CMTM4: variants seen among roughly 807,000 people sequenced by gnomAD.
CMTM4 encodes the protein CKLF-like MARVEL transmembrane domain-containing protein 4.
Under a neutral mutation model 19.0 loss-of-function variants are expected in CMTM4, and 8 were observed. The ratio of observed to expected loss-of-function variants is 0.42; its 90% CI spans 0.25 to 0.76. The LOEUF (loss-of-function observed/expected upper bound fraction) is 0.76. Ranked by LOEUF, CMTM4 falls within the 30% of genes least tolerant of loss-of-function variation. The probability of loss-of-function intolerance (pLI) is 0.27; values close to 1 mark genes in which losing one functional copy is unlikely to be tolerated. For synonymous variants in CMTM4, 106 were observed against 121.1 expected, an observed-to-expected ratio of 0.88 and a Z score of 0.82; for missense variants, 228 against 290.2, an observed-to-expected ratio of 0.79 and a Z score of 1.56.
intron 1 of CMTM4, among the ~76,000 whole-genome samples, chr16:66,637,094 T>TA (rs1273446833): frequency 6.6e-6 from 1 of 152,194 alleles, no homozygotes; most frequent in Non-Finnish European, 1.5e-5. Flanking sequence ...CTGACGGCTT[T>TA]AAAACAATGA....
Position 66,633,116 on chromosome 16 carries a change from T to TATATATATATAA in CMTM4, c.363+3288_363+3289insTTATATATATAT, listed in dbSNP as rs1567408472. 1.3e-3 allele frequency among the ~76,000 whole-genome samples: 75 copies of TATATATATATAA among 57,044 alleles called. 5 individuals carry two copies. The highest frequency in any genetic ancestry group is 3.8e-3 in the African/African-American group (72 of 19,194). The allele number at this position is 57,044 out of a possible 152,430, so 37.4% of individuals were successfully genotyped here. ...ATATATATATAAATATATATATATA[T>TATATATATATAA]AAATATATATATATAAATATATATA... On this transcript the variant is annotated intron_variant, in intron 2 of 3. Coordinates refer to ENST00000394106, the MANE Select transcript of CMTM4 (RefSeq NM_181521.3).
Position 66,696,542 on chromosome 16 carries a change from G to T in CMTM4, c.-17C>A. The T allele has an allele frequency of 2.5e-6, 3 of 1,178,854 alleles. No individual in the cohort carries two copies. Among genetic ancestry groups the T allele is most frequent in the Non-Finnish European group, 3.1e-6 (3 of 954,342 alleles). The allele number at this position is 1,178,854 out of a possible 1,614,324, so 73.0% of individuals were successfully genotyped here. ...GCTCCGCATGCTGCCGCCCGGCCCG[G>T]GCCGCCTCGCGCGGCTGGCTCCCGG... On this transcript the variant is annotated 5_prime_UTR_variant, in exon 1 of 4. Coordinates refer to ENST00000394106, the MANE Select transcript of CMTM4 (RefSeq NM_181521.3). This position sits in a 1 kb window ranked among gnomAD's most constrained non-coding sequence, Gnocchi z 4.3.
chr16:66,631,934 A>G (rs1310340015), intron 2 of CMTM4, among the ~76,000 whole-genome samples: 1 of 152,056 alleles, frequency 6.6e-6, no homozygotes, highest in African/African-American at 2.4e-5. Flanking sequence ...CAATAAAAAA[A>G]TAAAATAAAA....
At chr16:66,646,839 T>C (rs2016211225) in intron 1 of CMTM4, among the ~76,000 whole-genome samples, 1 of 151,936 alleles carries the variant, frequency 6.6e-6, no homozygotes, top group South Asian at 2.1e-4. Flanking sequence ...CCTGAGTAGC[T>C]GGGATTATAG....
Position 66,617,810 on chromosome 16 carries a change from C to T in CMTM4, c.*4248G>A, listed in dbSNP as rs1285422708. 24 of 993,884 alleles carry T rather than the reference C, an allele frequency of 2.4e-5. No homozygotes were observed. In the South Asian group the frequency reaches 4.5e-4, roughly 19 times the overall value. 61.6% of individuals were successfully genotyped at this position (993,884 alleles called of 1,614,324 possible). On this transcript the variant is annotated 3_prime_UTR_variant, in exon 4 of 4. Coordinates refer to ENST00000394106, the MANE Select transcript of CMTM4 (RefSeq NM_181521.3). Reference sequence around the variant, plus strand: ...CCTGCTGGACCCACATGTTCCTGAGCCAGATGCCAGGAGCTCACCCACAGG... The same window carrying T: ...CCTGCTGGACCCACATGTTCCTGAGTCAGATGCCAGGAGCTCACCCACAGG...
Position 66,622,322 on chromosome 16 carries a change from A to C in CMTM4, c.463-100T>G, listed in dbSNP as rs912268918. ...ACATGCAGCCCCTTCCTGCTCTGCCAGCTGATCATTACAACCCTGTGCCTT... is the reference window on the plus strand; with the variant it reads ...ACATGCAGCCCCTTCCTGCTCTGCCCGCTGATCATTACAACCCTGTGCCTT... On this transcript the variant is annotated intron_variant, in intron 3 of 3. Coordinates refer to ENST00000394106, the MANE Select transcript of CMTM4 (RefSeq NM_181521.3). This position sits in a 1 kb window ranked among gnomAD's most constrained non-coding sequence, Gnocchi z 4.0. 2 of 1,320,666 alleles carry C rather than the reference A, an allele frequency of 1.5e-6. No individual in the cohort carries two copies. The highest frequency in any genetic ancestry group is 4.1e-5 in the Admixed American group (2 of 48,982). 81.8% of individuals were successfully genotyped at this position (1,320,666 alleles called of 1,614,324 possible).
chr16:66,632,751 G>A (rs1285635195), intron 2 of CMTM4, among the ~76,000 whole-genome samples: 1 of 152,080 alleles, frequency 6.6e-6, no homozygotes, highest in Non-Finnish European at 1.5e-5. Flanking sequence ...GTAAACAGGG[G>A]TGGAACATGT....
chr16:66,683,176 CATATGTATATATATAT>C (rs1188482293), intron 1 of CMTM4, among the ~76,000 whole-genome samples: 3 of 106,016 alleles, frequency 2.8e-5, no homozygotes, highest in East Asian at 3.0e-4. Flanking sequence ...TATATATATA[CATATGTATATATATAT>C]ACATATATAT....
chr16:66,664,666 T>C (rs1192985542), intron 1 of CMTM4, among the ~76,000 whole-genome samples: 1 of 151,400 alleles, frequency 6.6e-6, no homozygotes, highest in Non-Finnish European at 1.5e-5. Flanking sequence ...AAAAAAACTA[T>C]ATAAAGAGAT....
At chr16:66,642,867 C>T (rs2016123143) in intron 1 of CMTM4, among the ~76,000 whole-genome samples, 1 of 152,174 alleles carries the variant, frequency 6.6e-6, no homozygotes, top group Non-Finnish European at 1.5e-5. Context: ...AATAGTCATC[C>T]TTCCACTCTA....
At chr16:66,678,362 T>C (rs1002308367) in intron 1 of CMTM4, among the ~76,000 whole-genome samples, 1 of 152,172 alleles carries the variant, frequency 6.6e-6, no homozygotes, top group Non-Finnish European at 1.5e-5. Context: ...GGTTCCAACA[T>C]GATGAGCTGG....
intron 1 of CMTM4, among the ~76,000 whole-genome samples, chr16:66,670,715 G>A (rs746301286): frequency 2.0e-5 from 3 of 151,872 alleles, no homozygotes; most frequent in Non-Finnish European, 2.9e-5. Flanking sequence ...CAGGAAAATC[G>A]CCTGAACCCA....
chr16:66,640,403 G>A (rs1567412036), intron 1 of CMTM4, among the ~76,000 whole-genome samples: 1 of 152,240 alleles, frequency 6.6e-6, no homozygotes, highest in Non-Finnish European at 1.5e-5. Context: ...GCTGTCTGGA[G>A]AAAGAGCACT....
At chr16:66,687,956 G>A (rs1026909634) in intron 1 of CMTM4, among the ~76,000 whole-genome samples, 2 of 152,052 alleles carry the variant, frequency 1.3e-5, no homozygotes, top group South Asian at 4.1e-4. Context: ...CAGAGTGCTG[G>A]GATTACAGGT....
chr16:66,627,849 G>A (rs946529343), intron 2 of CMTM4, among the ~76,000 whole-genome samples: 2 of 152,106 alleles, frequency 1.3e-5, no homozygotes, highest in Admixed American at 6.5e-5. Flanking sequence ...CCAGGAGACC[G>A]GCACTCAGCA....
In CMTM4 at chr16:66,619,910, C is replaced by T; in HGVS notation, c.*2148G>A. 1 of 985,448 alleles carries T rather than the reference C, an allele frequency of 1.0e-6. No homozygotes were observed. The highest frequency in any genetic ancestry group is 1.2e-6 in the Non-Finnish European group (1 of 829,934). The allele number at this position is 985,448 out of a possible 1,614,324, so 61.0% of individuals were successfully genotyped here. A position where few individuals can be genotyped will look rare whatever the true frequency, so the allele number is the denominator to read the frequency against. On this transcript the variant is annotated 3_prime_UTR_variant, in exon 4 of 4. Transcript: ENST00000394106. ...TCTCTGGCGTGTCATCCTTTTTGGT[C>T]ATTCATCTGCATTTAGTTTCAGTGA...
chr16:66,685,955 T>C (rs1481204622), intron 1 of CMTM4, among the ~76,000 whole-genome samples: 3 of 152,134 alleles, frequency 2.0e-5, no homozygotes, highest in Non-Finnish European at 2.9e-5. Context: ...TGATTTCTAA[T>C]TAAGAACAAA....
At chr16:66,628,376 G>A (rs1008894439) in intron 2 of CMTM4, among the ~76,000 whole-genome samples, 5 of 152,342 alleles carry the variant, frequency 3.3e-5, no homozygotes, top group Admixed American at 2.0e-4. Context: ...CTATCTCACG[G>A]GGAGAAACCT....
At chr16:66,638,722 G>T (rs2016044354) in intron 1 of CMTM4, among the ~76,000 whole-genome samples, 1 of 152,094 alleles carries the variant, frequency 6.6e-6, no homozygotes, top group Admixed American at 6.6e-5. Context: ...AGATGGACAT[G>T]GTGGTGGGCG....
Sources: gnomAD v4.1 joint callset for allele counts (sites outside exome capture counted in the v4.1 genomes callset) on GRCh38, gnomAD v4.1.1 for gene constraint, Gnocchi (gnomAD v3.1) non-coding constraint, MANE v1.5 for transcripts, NCBI Gene and HGNC (gene_info 2026-07-23, HGNC 2026-07-21) for gene names.